CSMD2: variants seen among roughly 807,000 people sequenced by gnomAD.
CSMD2 encodes the protein CUB and Sushi multiple domains 2.
A neutral mutation model predicts 398.5 loss-of-function variants in CSMD2; 130 were observed. That is an observed-to-expected ratio of 0.33 (90% CI 0.28 to 0.38). The LOEUF (loss-of-function observed/expected upper bound fraction) is 0.38, where lower values mean the gene tolerates loss of function less well. Among genes scored for constraint, CSMD2 ranks in the 10% least tolerant of loss-of-function variants. CSMD2 has a pLI of 1.00. For synonymous variants in CSMD2, 1,828 were observed against 1,908.5 expected, an observed-to-expected ratio of 0.96 and a Z score of 1.10; for missense variants, 3,829 against 4,764.9, an observed-to-expected ratio of 0.80 and a Z score of 5.78.
At chr1:33,735,658 C>A (rs1200191625) in intron 15 of CSMD2, among the ~76,000 whole-genome samples, 1 of 152,170 alleles carries the variant, frequency 6.6e-6, no homozygotes, top group Non-Finnish European at 1.5e-5. Context: ...TGCTTTAGAT[C>A]CTCCAGATAA....
intron 24 of CSMD2, among the ~76,000 whole-genome samples, chr1:33,696,835 AC>A (rs1246138512): frequency 6.6e-6 from 1 of 151,914 alleles, no homozygotes; most frequent in Non-Finnish European, 1.5e-5. Context: ...CCTTCTTCCC[AC>A]CCTTGAGTCT....
chr1:34,023,152 C>T (rs1333762334), intron 3 of CSMD2, among the ~76,000 whole-genome samples: 2 of 152,160 alleles, frequency 1.3e-5, no homozygotes, highest in Non-Finnish European at 2.9e-5. Flanking sequence ...AAGGGCTAAA[C>T]CCTTTAACCC....
intron 9 of CSMD2, among the ~76,000 whole-genome samples, chr1:33,817,842 A>G (rs984324927): frequency 2.0e-5 from 3 of 152,222 alleles, no homozygotes; most frequent in Admixed American, 1.3e-4. Flanking sequence ...GATTTGTACC[A>G]TGATTTCCTG....
chr1:33,937,802 G>C (rs368249938), intron 3 of CSMD2, among the ~76,000 whole-genome samples: 1 of 152,342 alleles, frequency 6.6e-6, no homozygotes, highest in East Asian at 1.9e-4. Flanking sequence ...TTTAGCGGTT[G>C]AGGGAGTTAC....
chr1:33,557,589 T>C, intron 55 of CSMD2, 145 bp downstream of exon 55: 1 of 755,106 alleles, frequency 1.3e-6, no homozygotes, highest in Non-Finnish European at 2.1e-6. Context: ...AGAGTGACTG[T>C]CACCATAAGG....
intron 15 of CSMD2, among the ~76,000 whole-genome samples, chr1:33,731,392 C>T (rs1286759982): frequency 6.6e-6 from 1 of 151,874 alleles, no homozygotes; most frequent in Non-Finnish European, 1.5e-5. Flanking sequence ...AAGAGAGATA[C>T]CCAAATATCA....
Position 33,635,063 on chromosome 1 carries a change from A to G in CSMD2, c.5086+151T>C. ...ATGTATTCTGCAGCCCGTTTGAGAA[A>G]CGTCAGCACTCGGCCGTCCTTTTGG... On this transcript the variant is annotated intron_variant, in intron 31 of 70. Coordinates refer to ENST00000373381, the MANE Select transcript of CSMD2 (RefSeq NM_001281956.2). This position sits in a 1 kb window ranked among gnomAD's most constrained non-coding sequence, Gnocchi z 5.0. 1 of 575,618 alleles carries G rather than the reference A, an allele frequency of 1.7e-6. No individual in the cohort carries two copies. The highest frequency in any genetic ancestry group is 3.2e-6 in the Non-Finnish European group (1 of 310,152). The allele number at this position is 575,618 out of a possible 1,614,324, so 35.7% of individuals were successfully genotyped here.
intron 5 of CSMD2, among the ~76,000 whole-genome samples, chr1:33,916,982 G>GC (rs147995605): frequency 6.6e-6 from 1 of 151,932 alleles, no homozygotes; most frequent in East Asian, 1.9e-4. Context: ...CCCACTGACT[G>GC]CCACGTCTCT....
chr1:34,110,982 CTA>C (rs1206868384), intron 1 of CSMD2, among the ~76,000 whole-genome samples: 2 of 152,184 alleles, frequency 1.3e-5, no homozygotes, highest in Non-Finnish European at 2.9e-5. Flanking sequence ...CTTACCTGCT[CTA>C]TGTTTTCTTA....
chr1:33,761,344 G>T (rs945134681), intron 13 of CSMD2, among the ~76,000 whole-genome samples: 1 of 152,230 alleles, frequency 6.6e-6, no homozygotes, highest in Non-Finnish European at 1.5e-5. Context: ...GATCCTATGA[G>T]TGATACTCGT....
intron 2 of CSMD2, among the ~76,000 whole-genome samples, chr1:34,088,357 A>G (rs942088101): frequency 1.3e-5 from 2 of 152,140 alleles, no homozygotes; most frequent in African/African-American, 4.8e-5. Context: ...TTGCCCCAGA[A>G]AAGTCTGCCC....
chr1:34,053,092 A>G (rs903463949), intron 2 of CSMD2, among the ~76,000 whole-genome samples: 1 of 151,828 alleles, frequency 6.6e-6, no homozygotes, highest in Non-Finnish European at 1.5e-5. Flanking sequence ...TTAACCCCTA[A>G]TCAGAACATG....
intron 5 of CSMD2, among the ~76,000 whole-genome samples, chr1:33,897,819 C>A (rs1284481866): frequency 6.6e-6 from 1 of 152,218 alleles, no homozygotes; most frequent in East Asian, 1.9e-4. Context: ...GTATCAAGGG[C>A]CCTCCATGGG....
intron 5 of CSMD2, among the ~76,000 whole-genome samples, chr1:33,909,226 C>T (rs534730085): frequency 2.0e-5 from 3 of 152,228 alleles, no homozygotes; most frequent in East Asian, 1.9e-4. Context: ...CCTCCATGTA[C>T]GAAGTTCAGG....
chr1:33,841,402 G>A (rs1391369633), intron 6 of CSMD2, among the ~76,000 whole-genome samples: 1 of 152,184 alleles, frequency 6.6e-6, no homozygotes, highest in African/African-American at 2.4e-5. Context: ...ATTTTATACT[G>A]GGATCTTCTT....
At chr1:33,650,958 T>C (rs527632974) in intron 28 of CSMD2, among the ~76,000 whole-genome samples, 35 of 152,354 alleles carry the variant, frequency 2.3e-4, no homozygotes, top group African/African-American at 8.4e-4. Flanking sequence ...GTCTGTCTTC[T>C]TTCACTCAGC....
chr1:33,741,599 C>T (rs116394355), intron 14 of CSMD2, among the ~76,000 whole-genome samples: 3,410 of 152,318 alleles, frequency 0.022, 54 homozygotes, highest in Non-Finnish European at 0.033. Context: ...AGAATCATTT[C>T]TGGCTGGGGG....
At chr1:33,610,986 T>C in intron 41 of CSMD2, 55 bp downstream of exon 41, 1 of 1,542,312 alleles carries the variant, frequency 6.5e-7, no homozygotes, top group East Asian at 2.3e-5. Context: ...GGTGGGTGGC[T>C]GGGGCAAGAG....
At chr1:33,680,309 G>A (rs12097264) in intron 25 of CSMD2, among the ~76,000 whole-genome samples, 1 of 151,922 alleles carries the variant, frequency 6.6e-6, no homozygotes, top group Non-Finnish European at 1.5e-5. Context: ...TCCAACCCAA[G>A]AATCTTTGCC....
Sources: gnomAD v4.1 joint callset for allele counts (sites outside exome capture counted in the v4.1 genomes callset) on GRCh38, gnomAD v4.1.1 for gene constraint, Gnocchi (gnomAD v3.1) non-coding constraint, MANE v1.5 for transcripts, NCBI Gene and HGNC (gene_info 2026-07-23, HGNC 2026-07-21) for gene names.